The following CES5A variants were observed in gnomAD, a reference collection of about 807,000 sequenced individuals.
CES5A encodes carboxylesterase 5.
Under a neutral mutation model 62.9 loss-of-function variants are expected in CES5A, and 67 were observed. That is an observed-to-expected ratio of 1.07 (90% CI 0.88 to 1.31). CES5A has a LOEUF of 1.31. CES5A is among the 50% of genes most tolerant of loss of function. CES5A has a pLI of 0.00. For synonymous variants in CES5A, 296 were observed against 280.8 expected (o/e 1.05, Z -0.54); for missense variants, 748 against 708.5 (o/e 1.06, Z -0.63).
intron 2 of CES5A, among the ~76,000 whole-genome samples, chr16:55,936,760 C>T (rs573131961): frequency 3.1e-4 from 47 of 152,238 alleles, no homozygotes; most frequent in Non-Finnish European, 4.0e-4. Context: ...AGGGGTCACA[C>T]GAAGTTGAGG....
At chr16:55,918,748 C>A (rs576110724) in intron 1 of CES5A, among the ~76,000 whole-genome samples, 1 of 152,296 alleles carries the variant, frequency 6.6e-6, no homozygotes, top group South Asian at 2.1e-4. Flanking sequence ...ACATTCTCTC[C>A]ATCACATTAT....
rs751146982 is a variant in CES5A at position 55,875,243 on chromosome 16, G to C, written c.-22C>G. On this transcript the variant is annotated 5_prime_UTR_variant, in exon 1 of 13. Transcript: ENST00000290567. ...TCATTTGGCTGCCTGCCTGCACTCT[G>C]TGAACATTGACGGCGGCTGCTGGCC... is the stretch of plus-strand genomic sequence containing the variant. The C allele has an allele frequency of 5.0e-6, 8 of 1,609,572 alleles. No individual in the cohort carries two copies. Among genetic ancestry groups the C allele is most frequent in the Non-Finnish European group, 5.1e-6 (6 of 1,177,840 alleles).
chr16:55,883,597 A>G (rs1428832088), intron 1 of CES5A, among the ~76,000 whole-genome samples: 1 of 152,160 alleles, frequency 6.6e-6, no homozygotes, highest in East Asian at 1.9e-4. Context: ...TTAGGTCTTT[A>G]ACAGTGGTGC....
chr16:55,902,591 A>C (rs12930752), intron 1 of CES5A, among the ~76,000 whole-genome samples: 32,885 of 152,070 alleles, frequency 0.22, 4,718 homozygotes, highest in Non-Finnish European at 0.32. Flanking sequence ...TGTTTATTTA[A>C]ATTCTTCCCC....
chr16:55,846,678 G>A lies in CES5A; in HGVS notation c.1501C>T (p.Pro501Ser), dbSNP rs201786331. 4.6e-4 allele frequency: 736 copies of A among 1,613,896 alleles called. No homozygotes were observed. The highest frequency in any genetic ancestry group is 4.3e-4 in the Non-Finnish European group (502 of 1,179,948). ...CACAGAGACAGGTCGTTCCCATTAGGATTCCTAGAAGGGAGAGCAGAAACA... is the reference window on the plus strand; with the variant it reads ...CACAGAGACAGGTCGTTCCCATTAGAATTCCTAGAAGGGAGAGCAGAAACA... ...YWATFARTGNPNGNDLSLWPA... is the reference protein window; with the variant it reads ...YWATFARTGNSNGNDLSLWPA... Residue 501 changes from proline (P) to serine (S), a missense_variant, in exon 13 of 13, where the codon CCT becomes TCT. Transcript: ENST00000290567.
At chr16:55,864,578 C>T (rs1446169516) in intron 5 of CES5A, among the ~76,000 whole-genome samples, 1 of 152,092 alleles carries the variant, frequency 6.6e-6, no homozygotes, top group African/African-American at 2.4e-5. Flanking sequence ...AAAAAAAATT[C>T]TTGATAAAGG....
At chr16:55,888,030 TGA>T (rs2033835419) in intron 1 of CES5A, among the ~76,000 whole-genome samples, 1 of 152,156 alleles carries the variant, frequency 6.6e-6, no homozygotes, top group South Asian at 2.1e-4. Context: ...AGGAATATTG[TGA>T]GTTATTTGCA....
At position 55,943,815 on chromosome 16, in the gene CES5A, T is replaced by A. The variant is rs143508374; in HGVS notation, c.160+5970A>T. On this transcript the variant is annotated intron_variant, in intron 2 of 13. Transcript: ENST00000521992. ...GAAAGGAAGGGCTTTAACCACAGTG[T>A]GATGTCAGCCTAGTCATTCTCCCTC... Among the ~76,000 whole-genome samples the A allele has an allele frequency of 5.4e-3, 822 of 152,276 alleles. 8 individuals carry two copies. Among genetic ancestry groups the A allele is most frequent in the African/African-American group, 0.019 (785 of 41,554 alleles).
chr16:55,886,522 T>C (rs755876825), intron 1 of CES5A, among the ~76,000 whole-genome samples: 4 of 152,158 alleles, frequency 2.6e-5, no homozygotes, highest in Admixed American at 6.5e-5. Flanking sequence ...AACGAACCCA[T>C]GAACAGAATA....
At chr16:55,950,794 G>A (rs917275837) in intron 1 of CES5A, among the ~76,000 whole-genome samples, 1 of 151,966 alleles carries the variant, frequency 6.6e-6, no homozygotes, top group Non-Finnish European at 1.5e-5. Context: ...CAACTGCAGA[G>A]TAAGTAAATA....
chr16:55,954,728 C>T (rs8052620), intron 1 of CES5A, among the ~76,000 whole-genome samples: 38,069 of 151,942 alleles, frequency 0.25, 5,588 homozygotes, highest in Non-Finnish European at 0.33. Flanking sequence ...AGGGGGAAGG[C>T]CCCTCACAAA....
chr16:55,900,526 G>C (rs1012606434), intron 1 of CES5A, among the ~76,000 whole-genome samples: 2 of 152,174 alleles, frequency 1.3e-5, no homozygotes, highest in South Asian at 2.1e-4. Flanking sequence ...AGCTTGTGCA[G>C]GGACCTGAAA....
At chr16:55,909,970 T>G (rs1330658330) in intron 1 of CES5A, among the ~76,000 whole-genome samples, 1 of 152,120 alleles carries the variant, frequency 6.6e-6, no homozygotes, top group Admixed American at 6.5e-5. Flanking sequence ...CCAGCCTGAG[T>G]TGGTCATCCA....
intron 1 of CES5A, among the ~76,000 whole-genome samples, chr16:55,882,586 A>T (rs2033773057): frequency 1.3e-5 from 2 of 151,970 alleles, no homozygotes; most frequent in South Asian, 4.2e-4. Context: ...ACCCTACCCC[A>T]CTCAAACCTG....
At chr16:55,939,326 C>G (rs2034422349) in intron 2 of CES5A, among the ~76,000 whole-genome samples, 1 of 152,134 alleles carries the variant, frequency 6.6e-6, no homozygotes, top group South Asian at 2.1e-4. Context: ...CCACCCCACT[C>G]ACATCTCATG....
chr16:55,896,221 G>T (rs2033932644), intron 1 of CES5A, among the ~76,000 whole-genome samples: 1 of 152,164 alleles, frequency 6.6e-6, no homozygotes, highest in Non-Finnish European at 1.5e-5. Flanking sequence ...TCAGCTCTCT[G>T]AGACTTGTTC....
At chr16:55,890,800 A>T (rs1252557694) in intron 1 of CES5A, among the ~76,000 whole-genome samples, 2 of 152,132 alleles carry the variant, frequency 1.3e-5, no homozygotes, top group African/African-American at 4.8e-5. Context: ...AGTCTTAGTT[A>T]ATTTAGAGAG....
intron 3 of CES5A, among the ~76,000 whole-genome samples, chr16:55,870,458 T>A (rs1357909509): frequency 1.3e-5 from 2 of 152,058 alleles, no homozygotes; most frequent in Non-Finnish European, 2.9e-5. Flanking sequence ...CCAACACTTT[T>A]GGGAGGTTGA....
chr16:55,946,279 C>T (rs574897982), intron 2 of CES5A, among the ~76,000 whole-genome samples: 2 of 152,156 alleles, frequency 1.3e-5, no homozygotes, highest in Non-Finnish European at 1.5e-5. Flanking sequence ...GTCTGATATA[C>T]CCAGAAGCTG....
Sources: allele counts gnomAD v4.1 joint callset (sites outside exome capture counted in the v4.1 genomes callset), GRCh38; gene constraint gnomAD v4.1.1; transcripts MANE v1.5; gene names NCBI Gene and HGNC (gene_info 2026-07-23, HGNC 2026-07-21).